GRM5: variants seen among roughly 807,000 people sequenced by gnomAD.
The protein encoded by GRM5 is metabotropic glutamate receptor 5.
A neutral mutation model predicts 83.1 loss-of-function variants in GRM5; 19 were observed. The ratio of observed to expected loss-of-function variants is 0.23; its 90% CI spans 0.16 to 0.34. The LOEUF (loss-of-function observed/expected upper bound fraction) is 0.34. Among genes scored for constraint, GRM5 ranks in the 10% least tolerant of loss-of-function variants. The pLI is 1.00. For missense variants in GRM5, 1,160 were observed against 1,588.3 expected (o/e 0.73, Z 4.58); for synonymous variants, 675 against 633.6 (o/e 1.07, Z -0.98).
intron 3 of GRM5, among the ~76,000 whole-genome samples, chr11:88,704,515 G>A (rs1941109429): frequency 6.6e-6 from 1 of 151,988 alleles, no homozygotes; most frequent in South Asian, 2.1e-4. Flanking sequence ...AATAAGCCCA[G>A]CATATAAGAG....
intron 3 of GRM5, among the ~76,000 whole-genome samples, chr11:88,731,989 T>C (rs1489022569): frequency 1.3e-5 from 2 of 151,974 alleles, no homozygotes; most frequent in East Asian, 3.9e-4. Context: ...AAAGTAAGAT[T>C]TGTCCAGAGT....
Position 89,035,673 on chromosome 11 carries a change from C to A in GRM5, c.661+11539G>T, listed in dbSNP as rs547730136. Among the ~76,000 whole-genome samples, 7 of 151,876 alleles carry A rather than the reference C, an allele frequency of 4.6e-5. No individual in the cohort carries two copies. In the East Asian group the frequency reaches 1.4e-3, roughly 29 times the overall value. ...TATTAATAATATATTAATAACAGCA[C>A]GAAAATCCACCTTGATATCACTTTA... On this transcript the variant is annotated intron_variant, in intron 2 of 9. Coordinates refer to ENST00000305447, the MANE Select transcript of GRM5 (RefSeq NM_001143831.3).
chr11:88,911,443 A>C (rs1945496879), intron 2 of GRM5, among the ~76,000 whole-genome samples: 2 of 152,160 alleles, frequency 1.3e-5, no homozygotes, highest in South Asian at 2.1e-4. Flanking sequence ...AAAACAAACA[A>C]ATGAGAAAGC....
At position 88,784,858 on chromosome 11, in the gene GRM5, T is replaced by A. The variant is rs1228977247; in HGVS notation, c.911+65048A>T. ...TTAATCTCTGGTCACATGTTGCAAA[T>A]GTTTAACTGTTCTATCCATCACATA... On this transcript the variant is annotated intron_variant, in intron 3 of 9. Coordinates refer to ENST00000305447, the MANE Select transcript of GRM5 (RefSeq NM_001143831.3). Among the ~76,000 whole-genome samples the A allele has an allele frequency of 2.0e-5, 3 of 152,044 alleles. No homozygotes were observed. The South Asian group carries it at 6.2e-4, about 31-fold the overall frequency.
intron 3 of GRM5, among the ~76,000 whole-genome samples, chr11:88,731,614 T>C (rs139988706): frequency 3.9e-5 from 6 of 152,184 alleles, no homozygotes; most frequent in East Asian, 1.9e-4. Flanking sequence ...AGTGACATTA[T>C]TGATGGGATT....
At chr11:88,859,396 C>A (rs1407771394) in intron 2 of GRM5, among the ~76,000 whole-genome samples, 2 of 151,986 alleles carry the variant, frequency 1.3e-5, no homozygotes, top group African/African-American at 4.8e-5. Flanking sequence ...TTTTTATAAT[C>A]ATCATCATCA....
At chr11:88,872,495 T>C (rs973951577) in intron 2 of GRM5, among the ~76,000 whole-genome samples, 4 of 151,520 alleles carry the variant, frequency 2.6e-5, no homozygotes, top group African/African-American at 9.7e-5. Context: ...TTTAAAAATA[T>C]ATAAATTGTG....
At chr11:88,578,140 T>C (rs974837414) in intron 7 of GRM5, among the ~76,000 whole-genome samples, 3 of 152,160 alleles carry the variant, frequency 2.0e-5, no homozygotes, top group African/African-American at 7.2e-5. Context: ...AAGTAAATGG[T>C]ATTATGTTGT....
rs117198693 is a variant in GRM5 at position 88,925,737 on chromosome 11, C to T, written c.662-75582G>A. 383 of 453,734 alleles carry T rather than the reference C, an allele frequency of 8.4e-4. 2 individuals carry two copies. Among genetic ancestry groups the T allele is most frequent in the Middle Eastern group, 1.4e-3 (2 of 1,438 alleles). The allele number at this position is 453,734 out of a possible 1,614,324, so 28.1% of individuals were successfully genotyped here. ...GACCAGCCTGGCCAAGATGACAAAA[C>T]CACAACTCTACTAAAAATACAAAAA... On this transcript the variant is annotated intron_variant, in intron 2 of 9. Coordinates refer to ENST00000305447, the MANE Select transcript of GRM5 (RefSeq NM_001143831.3).
intron 7 of GRM5, among the ~76,000 whole-genome samples, chr11:88,580,577 C>T (rs554568282): frequency 6.6e-6 from 1 of 152,148 alleles, no homozygotes; most frequent in East Asian, 1.9e-4. Context: ...TTATCAGGGA[C>T]AATGATAAGA....
intron 4 of GRM5, among the ~76,000 whole-genome samples, chr11:88,641,244 T>C (rs966370756): frequency 6.6e-5 from 10 of 152,030 alleles, no homozygotes; most frequent in African/African-American, 2.4e-4. Context: ...TCACTCACTG[T>C]CATGAGAACA....
intron 4 of GRM5, among the ~76,000 whole-genome samples, chr11:88,621,667 T>C (rs963926940): frequency 1.3e-5 from 2 of 152,204 alleles, no homozygotes; most frequent in African/African-American, 4.8e-5. Flanking sequence ...TGTGCTTATT[T>C]ATTCACACAG....
At chr11:88,790,143 C>A (rs1314246561) in intron 3 of GRM5, among the ~76,000 whole-genome samples, 3 of 152,184 alleles carry the variant, frequency 2.0e-5, no homozygotes, top group African/African-American at 7.2e-5. Flanking sequence ...GGATTACAAG[C>A]ATGAACCACT....
rs1940826494 is a variant in GRM5, at chr11:89,015,443, ATCAATGGGTG to A, written c.661+31759_661+31768del. ...CTCAAGTGATCATGACTGAGAAGAA[ATCAATGGGTG>A]TCTGTTGGCAGTGTTTTTAAAGACA... On this transcript the variant is annotated intron_variant, in intron 2 of 9. Coordinates refer to ENST00000305447, the MANE Select transcript of GRM5 (RefSeq NM_001143831.3). Among the ~76,000 whole-genome samples the A allele has an allele frequency of 3.3e-5, 5 of 152,308 alleles. No homozygotes were observed. In the South Asian group the frequency reaches 1.0e-3, roughly 32 times the overall value.
At chr11:88,841,092 C>G (rs1031833239) in intron 3 of GRM5, among the ~76,000 whole-genome samples, 1 of 152,136 alleles carries the variant, frequency 6.6e-6, no homozygotes, top group Non-Finnish European at 1.5e-5. Flanking sequence ...TGTCAAAAAA[C>G]AGGAGGGTTA....
intron 3 of GRM5, among the ~76,000 whole-genome samples, chr11:88,733,251 G>A (rs1425023740): frequency 2.0e-5 from 3 of 151,942 alleles, no homozygotes; most frequent in Non-Finnish European, 2.9e-5. Flanking sequence ...ATAATATCTT[G>A]AGTATAACAG....
chr11:88,825,473 T>C (rs1943880456), intron 3 of GRM5, among the ~76,000 whole-genome samples: 1 of 152,202 alleles, frequency 6.6e-6, no homozygotes, highest in Non-Finnish European at 1.5e-5. Flanking sequence ...ATCTTCATTA[T>C]ATTGAGAAAT....
intron 2 of GRM5, among the ~76,000 whole-genome samples, chr11:88,913,354 T>C (rs1306360968): frequency 2.0e-5 from 3 of 152,080 alleles, no homozygotes; most frequent in Non-Finnish European, 2.9e-5. Context: ...GGCAAACTCA[T>C]GCAGAGGGTA....
intron 3 of GRM5, among the ~76,000 whole-genome samples, chr11:88,811,669 T>G (rs541428832): frequency 3.3e-5 from 5 of 152,138 alleles, no homozygotes; most frequent in Non-Finnish European, 7.4e-5. Context: ...TAGGACAAAC[T>G]ATATGTATGA....
Sources: gnomAD v4.1 joint callset for allele counts (sites outside exome capture counted in the v4.1 genomes callset) on GRCh38, gnomAD v4.1.1 for gene constraint, MANE v1.5 for transcripts, NCBI Gene and HGNC (gene_info 2026-07-23, HGNC 2026-07-21) for gene names.